Variants in ADGRL1 observed in about 807,000 individuals in gnomAD.
ADGRL1 encodes CIRL-1.
In ADGRL1, 31 loss-of-function variants were observed where a neutral mutation model predicts 148.9. That is an observed-to-expected ratio of 0.21 (90% CI 0.16 to 0.28). The LOEUF is 0.28. ADGRL1 is among the 10% of genes least tolerant of loss of function. The pLI is 1.00. For missense variants in ADGRL1, 1,521 were observed against 2,058.8 expected, an observed-to-expected ratio of 0.74 and a Z score of 5.05; for synonymous variants, 937 against 900.3, an observed-to-expected ratio of 1.04 and a Z score of -0.73.
rs1165752483 is a variant in ADGRL1, at chr19:14,155,091, T to A, written c.3294+268A>T. 4.1e-6 allele frequency: 1 copy of A among 243,056 alleles called. No homozygotes were observed. Among genetic ancestry groups the A allele is most frequent in the Non-Finnish European group, 8.0e-6 (1 of 125,484 alleles). 15.1% of individuals were successfully genotyped at this position (243,056 alleles called of 1,614,324 possible). ...CTCGTGGCCCTCATGGTGGTGAGGG[T>A]TCCCCATTACCAAATCTGTTCTGCT... On this transcript the variant is annotated intron_variant, in intron 18 of 22. Transcript: ENST00000361434. The surrounding 1 kb of genome is among the most constrained non-coding windows in gnomAD (Gnocchi z 5.0).
At chr19:14,183,367 G>C (rs536913623) in intron 2 of ADGRL1, among the ~76,000 whole-genome samples, 166 bp downstream of exon 2, 1 of 152,134 alleles carries the variant, frequency 6.6e-6, no homozygotes, top group Non-Finnish European at 1.5e-5. Context: ...GCACTGGGGT[G>C]TGTGTTACCC....
In ADGRL1 at chr19:14,155,402, T is replaced by G; in HGVS notation, c.3251A>C (p.Gln1084Pro). The change falls in exon 18 of 23, where the codon CAG becomes CCG. Residue 1084 changes from glutamine (Q) to proline (P), a missense_variant. Physicochemically the swap from Gln to Pro is moderately conservative, Grantham distance 76. This residue lies in a region of ADGRL1 where 185 missense variants were observed against 251.7 expected (regional missense o/e 0.74). Transcript: ENST00000361434. The surrounding 1 kb of genome is among the most constrained non-coding windows in gnomAD (Gnocchi z 5.0). The part of the protein sequence containing the change: ...AYLFTTFNAF[Q>P]GVFIFVFHCA... ...GTGAAAGACGAAGATGAAGACCCCC[T>G]GGAAGGCGTTGAAGGTGGTGAAGAG... is the stretch of plus-strand genomic sequence containing the variant. 1 of 1,614,092 alleles carries G rather than the reference T, an allele frequency of 6.2e-7. No homozygotes were observed. The highest frequency in any genetic ancestry group is 8.5e-7 in the Non-Finnish European group (1 of 1,179,996).
In ADGRL1 at chr19:14,160,038, A is replaced by G. The variant is rs1456819129; in HGVS notation, c.1800+74T>C. ...GGTGGCAGCCTGGCTGGGAGGTACC[A>G]GGTCAGGTACTTCCCAAGCCCCTGG... On this transcript the variant is annotated intron_variant, in intron 8 of 22. Coordinates refer to ENST00000361434, the MANE Select transcript of ADGRL1 (RefSeq NM_014921.5). The surrounding 1 kb of genome is among the most constrained non-coding windows in gnomAD (Gnocchi z 5.9). 3 of 1,438,670 alleles carry G rather than the reference A, an allele frequency of 2.1e-6. No individual in the cohort carries two copies. Among genetic ancestry groups the G allele is most frequent in the Non-Finnish European group, 2.8e-6 (3 of 1,069,372 alleles). 89.1% of individuals were successfully genotyped at this position (1,438,670 alleles called of 1,614,324 possible). A position where few individuals can be genotyped will look rare whatever the true frequency, so the allele number is the denominator to read the frequency against.
intron 1 of ADGRL1, among the ~76,000 whole-genome samples, chr19:14,199,822 C>T (rs1972486677): frequency 6.6e-6 from 1 of 152,072 alleles, no homozygotes; most frequent in African/African-American, 2.4e-5. Flanking sequence ...CAACCTCTGC[C>T]TCCCAGGTTC....
chr19:14,155,645 C>T lies in ADGRL1; in HGVS notation c.3126-118G>A, dbSNP rs1968650746. ...GTGGGCCTGGGCACTGTCTGCAAAG[C>T]CCTGAGCGGGCCGAGTGGGCCTTGG... On this transcript the variant is annotated intron_variant, in intron 17 of 22. Transcript: ENST00000361434. The surrounding 1 kb of genome is among the most constrained non-coding windows in gnomAD (Gnocchi z 5.0). The T allele has an allele frequency of 9.4e-7, 1 of 1,069,314 alleles. No individual in the cohort carries two copies. The highest frequency in any genetic ancestry group is 1.3e-6 in the Non-Finnish European group (1 of 748,760). The allele number at this position is 1,069,314 out of a possible 1,614,324, so 66.2% of individuals were successfully genotyped here.
At position 14,167,280 on chromosome 19, in the gene ADGRL1, G is replaced by A. The variant is rs115406404; in HGVS notation, c.394+3402C>T. Among the ~76,000 whole-genome samples, 1,378 of 152,086 alleles carry A rather than the reference G, an allele frequency of 9.1e-3. 11 individuals are homozygous for A. Among genetic ancestry groups the A allele is most frequent in the Non-Finnish European group, 0.014 (977 of 67,956 alleles). On this transcript the variant is annotated intron_variant, in intron 4 of 22. Coordinates refer to ENST00000361434, the MANE Select transcript of ADGRL1 (RefSeq NM_014921.5). Reference sequence around the variant, plus strand: ...GTGCTGGGGAGACAGTCAGAGGGACGAGGGGGACACACACAGGAGGGAGAA... The same window carrying A: ...GTGCTGGGGAGACAGTCAGAGGGACAAGGGGGACACACACAGGAGGGAGAA...
At chr19:14,192,520 C>T (rs1432775649) in intron 1 of ADGRL1, among the ~76,000 whole-genome samples, 1 of 151,554 alleles carries the variant, frequency 6.6e-6, no homozygotes, top group South Asian at 2.1e-4. Flanking sequence ...GGATTACAGG[C>T]GTGAGCCACT....
At chr19:14,158,775 G>A (rs1276625188) in intron 11 of ADGRL1, among the ~76,000 whole-genome samples, 1 of 152,202 alleles carries the variant, frequency 6.6e-6, no homozygotes, top group African/African-American at 2.4e-5. Flanking sequence ...CAGTGTGCCA[G>A]GACACACAAG....
chr19:14,198,827 G>A (rs570345825), intron 1 of ADGRL1, among the ~76,000 whole-genome samples: 210 of 152,192 alleles, frequency 1.4e-3, no homozygotes, highest in South Asian at 0.012. Flanking sequence ...CCCCTCCTCC[G>A]GGAAGCCTTC....
At position 14,160,305 on chromosome 19, in the gene ADGRL1, A is replaced by T; in HGVS notation, c.1615-8T>A. ...GTTCTCCCCACTCTTGATCTGCATGAGGTGGGGGCGGGAAGGGGGAATCCC... is the reference window on the plus strand; with the variant it reads ...GTTCTCCCCACTCTTGATCTGCATGTGGTGGGGGCGGGAAGGGGGAATCCC... On this transcript the variant is annotated splice_polypyrimidine_tract_variant and splice_region_variant and intron_variant, in intron 7 of 22. Transcript: ENST00000361434. The surrounding 1 kb of genome is among the most constrained non-coding windows in gnomAD (Gnocchi z 5.9). 6.3e-7 allele frequency: 1 copy of T among 1,583,488 alleles called. No homozygotes were observed. Among genetic ancestry groups the T allele is most frequent in the Non-Finnish European group, 8.6e-7 (1 of 1,156,688 alleles).
At chr19:14,194,298 A>T (rs1299398698) in intron 1 of ADGRL1, among the ~76,000 whole-genome samples, 1 of 152,200 alleles carries the variant, frequency 6.6e-6, no homozygotes, top group African/African-American at 2.4e-5. Flanking sequence ...TAGGAAATTC[A>T]TATAGGGAGT....
chr19:14,155,597 C>A lies in ADGRL1; in HGVS notation c.3126-70G>T. ...ACGGCCTCAGCCCAGGCCTCCCCTG[C>A]AGCCTACAACGGGGGCCCTTGGGTG... On this transcript the variant is annotated intron_variant, in intron 17 of 22. Coordinates refer to ENST00000361434, the MANE Select transcript of ADGRL1 (RefSeq NM_014921.5). This position sits in a 1 kb window ranked among gnomAD's most constrained non-coding sequence, Gnocchi z 5.0. 6.6e-7 allele frequency: 1 copy of A among 1,525,934 alleles called. No individual in the cohort carries two copies. Among genetic ancestry groups the A allele is most frequent in the South Asian group, 1.1e-5 (1 of 87,306 alleles). The allele number at this position is 1,525,934 out of a possible 1,614,324, so 94.5% of individuals were successfully genotyped here.
chr19:14,151,104 C>T lies in ADGRL1; in HGVS notation c.4179G>A (p.Pro1393=), dbSNP rs371927359. The T allele has an allele frequency of 2.3e-4, 348 of 1,544,818 alleles. 3 individuals carry two copies. The African/African-American group carries it at 3.8e-3, about 17-fold the overall frequency. Residue 1393 remains proline (P), a synonymous_variant, in exon 23 of 23, where the codon CCG becomes CCA. Coordinates refer to ENST00000361434, the MANE Select transcript of ADGRL1 (RefSeq NM_014921.5). ...GANLRDSPSY[P]DSSPEGPSEA... ...CACTGGGCCCCTCAGGGCTGCTGTCCGGGTAGGAGGGTGAGTCCCGCAGGT... is the reference window on the plus strand; with the variant it reads ...CACTGGGCCCCTCAGGGCTGCTGTCTGGGTAGGAGGGTGAGTCCCGCAGGT...
At chr19:14,204,351 C>T (rs1169206415) in intron 1 of ADGRL1, among the ~76,000 whole-genome samples, 5 of 152,030 alleles carry the variant, frequency 3.3e-5, no homozygotes, top group Non-Finnish European at 5.9e-5. Context: ...CTGCCGGGGG[C>T]AGACAGGAGA....
rs1190724816 is a variant in ADGRL1, at chr19:14,156,186, G to A, written c.3049C>T (p.Leu1017Phe). The A allele has an allele frequency of 6.2e-7, 1 of 1,612,362 alleles. No individual in the cohort carries two copies. Among genetic ancestry groups the A allele is most frequent in the Non-Finnish European group, 8.5e-7 (1 of 1,179,630 alleles). ...SFVIVVNLVF[L>F]MVTLHKMIRS... ...ATCATCTTGTGCAGGGTCACCATGA[G>A]GAACACCAGGTTGACCTGGGGGCGG... Residue 1017 changes from leucine (L) to phenylalanine (F), a missense_variant, in exon 17 of 23, where the codon CTC (leucine) becomes TTC (phenylalanine). Leu to Phe is a conservative substitution (Grantham distance 22, BLOSUM62 0). Transcript: ENST00000361434.
intron 1 of ADGRL1, among the ~76,000 whole-genome samples, chr19:14,202,597 T>A (rs1387303654): frequency 6.6e-6 from 1 of 152,142 alleles, no homozygotes. Flanking sequence ...TGCTAGAGTG[T>A]GAGCTCCATG....
rs370457019 is a variant in ADGRL1, at chr19:14,159,074, C to T, written c.2149+16G>A. ...GGGGCTGCTTCCCCACCCGAGGCCC[C>T]GCCGGGGACACTGACCATTGCGGCT... On this transcript the variant is annotated intron_variant, in intron 11 of 22. Transcript: ENST00000361434. The surrounding 1 kb of genome is among the most constrained non-coding windows in gnomAD (Gnocchi z 6.0). The T allele has an allele frequency of 8.1e-5, 130 of 1,612,974 alleles. No homozygotes were observed. The highest frequency in any genetic ancestry group is 9.9e-5 in the Non-Finnish European group (117 of 1,179,936).
In ADGRL1 at chr19:14,173,221, A is replaced by G. The variant is rs143121349; in HGVS notation, c.285-2430T>C. Among the ~76,000 whole-genome samples the G allele has an allele frequency of 5.6e-4, 85 of 152,236 alleles. 2 individuals are homozygous for G. The highest frequency in any genetic ancestry group is 2.0e-3 in the African/African-American group (84 of 41,532). Reference sequence around the variant, plus strand: ...AACAATCTACCCGTCTCGACCTCCCAAAGTGCTGGGATTACAATCATGAGC... The same window carrying G: ...AACAATCTACCCGTCTCGACCTCCCGAAGTGCTGGGATTACAATCATGAGC... On this transcript the variant is annotated intron_variant, in intron 3 of 22. Transcript: ENST00000361434.
chr19:14,196,929 G>A (rs1286390524), intron 1 of ADGRL1, among the ~76,000 whole-genome samples: 3 of 151,974 alleles, frequency 2.0e-5, no homozygotes, highest in East Asian at 1.9e-4. Context: ...TCAGCACAGC[G>A]CCTGGCACAA....
Sources: allele counts gnomAD v4.1 joint callset (sites outside exome capture counted in the v4.1 genomes callset), GRCh38; gene constraint gnomAD v4.1.1; regional missense constraint gnomAD v4.1.1; non-coding constraint Gnocchi (gnomAD v3.1); transcripts MANE v1.5; gene names NCBI Gene and HGNC (gene_info 2026-07-23, HGNC 2026-07-21).